SNX8: variants seen among roughly 807,000 people sequenced by gnomAD.
SNX8 encodes sorting nexin 8, also known as sorting nexin-8.
Under a neutral mutation model 51.6 loss-of-function variants are expected in SNX8, and 25 were observed. The observed-to-expected ratio is 0.48, with a 90% CI of 0.35 to 0.68. The LOEUF (loss-of-function observed/expected upper bound fraction) is 0.68. Among genes scored for constraint, SNX8 ranks in the 30% least tolerant of loss-of-function variants. SNX8 has a pLI of 0.00. For synonymous variants in SNX8, 324 were observed against 277.0 expected (o/e 1.17, Z -1.68); for missense variants, 695 against 624.0 (o/e 1.11, Z -1.21).
rs536094608 is a variant in SNX8, at chr7:2,328,505, A to G, written c.-66+25717T>C. Among the ~76,000 whole-genome samples the G allele has an allele frequency of 2.2e-4, 34 of 152,264 alleles. No individual in the cohort carries two copies. In the East Asian group the frequency reaches 6.4e-3, roughly 29 times the overall value. On this transcript the variant is annotated intron_variant, in intron 1 of 5. Transcript: ENST00000435336. ...TCATGCCCAACCATTGAATGCTTTC[A>G]ATATTTGAATCGAAATACTGAATGT...
At chr7:2,334,869 GAAAAAAAAAAAAAAA>G (rs71023399) in intron 1 of SNX8, among the ~76,000 whole-genome samples, 2 of 80,108 alleles carry the variant, frequency 2.5e-5, no homozygotes, top group South Asian at 4.0e-4. Flanking sequence ...GCCCATCTCT[GAAAAAAAAAAAAAAA>G]AAAAAAAAAA....
In SNX8 at chr7:2,261,343, G is replaced by C. The variant is rs78815574; in HGVS notation, c.915+1887C>G. Reference sequence around the variant, plus strand: ...AGCTACTGGGGAGGCTGAGGCAGGAGAATCGCTTGAACCCGGGAGGCAGAG... The same window carrying C: ...AGCTACTGGGGAGGCTGAGGCAGGACAATCGCTTGAACCCGGGAGGCAGAG... On this transcript the variant is annotated intron_variant, in intron 7 of 10. Coordinates refer to ENST00000222990, the MANE Select transcript of SNX8 (RefSeq NM_013321.4). 2.0e-4 allele frequency among the ~76,000 whole-genome samples: 31 copies of C among 152,350 alleles called. 1 individual carries two copies. In the East Asian group the frequency reaches 2.3e-3, roughly 11 times the overall value.
At chr7:2,290,503 C>T (rs981300205) in intron 1 of SNX8, among the ~76,000 whole-genome samples, 1 of 151,544 alleles carries the variant, frequency 6.6e-6, no homozygotes, top group African/African-American at 2.4e-5. Flanking sequence ...GACTCTGTCT[C>T]AAAAAATAAA....
intron 1 of SNX8, among the ~76,000 whole-genome samples, chr7:2,290,333 T>C (rs778280252): frequency 3.3e-5 from 5 of 152,142 alleles, no homozygotes; most frequent in African/African-American, 4.8e-5. Flanking sequence ...AGACTCGGTC[T>C]CTACTAAAAA....
At chr7:2,282,272 A>C (rs1236006167) in intron 1 of SNX8, among the ~76,000 whole-genome samples, 1 of 152,204 alleles carries the variant, frequency 6.6e-6, no homozygotes, top group East Asian at 1.9e-4. Context: ...AGACTGGCTC[A>C]CAAATTGGTG....
chr7:2,293,076 A>G (rs1369162748), intron 1 of SNX8, among the ~76,000 whole-genome samples: 1 of 151,244 alleles, frequency 6.6e-6, no homozygotes, highest in African/African-American at 2.4e-5. Context: ...ATCAAAATTT[A>G]AAACTGCTGT....
At chr7:2,328,965 A>T (rs529564343) in intron 1 of SNX8, among the ~76,000 whole-genome samples, 1 of 152,218 alleles carries the variant, frequency 6.6e-6, no homozygotes, top group Admixed American at 6.6e-5. Flanking sequence ...GGGTGCCTGT[A>T]GTCCCAGCTA....
At chr7:2,305,943 C>T (rs1235930120) in intron 1 of SNX8, among the ~76,000 whole-genome samples, 1 of 152,042 alleles carries the variant, frequency 6.6e-6, no homozygotes, top group Non-Finnish European at 1.5e-5. Context: ...GACAGCGGCA[C>T]CCTGGAAACG....
intron 1 of SNX8, among the ~76,000 whole-genome samples, chr7:2,292,095 C>T (rs553211736): frequency 6.6e-6 from 1 of 152,308 alleles, no homozygotes; most frequent in African/African-American, 2.4e-5. Flanking sequence ...GAAACCCTGT[C>T]TCTACTAAAA....
intron 1 of SNX8, among the ~76,000 whole-genome samples, chr7:2,327,279 G>A (rs1350919415): frequency 1.3e-5 from 2 of 152,036 alleles, no homozygotes; most frequent in Non-Finnish European, 2.9e-5. Flanking sequence ...TGGCTCTGTT[G>A]CCCAGGCTGG....
intron 1 of SNX8, among the ~76,000 whole-genome samples, chr7:2,351,784 T>C (rs1779145970): frequency 6.9e-6 from 1 of 145,602 alleles, no homozygotes; most frequent in African/African-American, 2.6e-5. Context: ...TGATCCGAGA[T>C]AGCACCACTG....
chr7:2,289,239 C>T (rs1796097616), intron 1 of SNX8, among the ~76,000 whole-genome samples: 1 of 152,112 alleles, frequency 6.6e-6, no homozygotes, highest in South Asian at 2.1e-4. Context: ...CCAGCACCTC[C>T]CTGTTCCACA....
intron 1 of SNX8, among the ~76,000 whole-genome samples, chr7:2,349,258 A>G (rs772421363): frequency 6.6e-6 from 1 of 151,956 alleles, no homozygotes; most frequent in Non-Finnish European, 1.5e-5. Flanking sequence ...TAAAGTGTAC[A>G]TAACATAAAA....
intron 1 of SNX8, among the ~76,000 whole-genome samples, chr7:2,303,190 G>A (rs1158914348): frequency 6.7e-6 from 1 of 150,330 alleles, no homozygotes; most frequent in East Asian, 2.0e-4. Context: ...TGGGAAGTGA[G>A]GAGCCCCTCT....
intron 1 of SNX8, among the ~76,000 whole-genome samples, chr7:2,278,607 A>G (rs1795838979): frequency 6.8e-6 from 1 of 147,062 alleles, no homozygotes; most frequent in Non-Finnish European, 1.5e-5. Flanking sequence ...CACACTACGG[A>G]GTCGACGCCG....
At chr7:2,278,749 G>A (rs868308563) in intron 1 of SNX8, among the ~76,000 whole-genome samples, 1 of 75,516 alleles carries the variant, frequency 1.3e-5, no homozygotes, top group Non-Finnish European at 2.6e-5. Context: ...ACACTACGGA[G>A]TCGAAGCCGG....
At chr7:2,266,342 G>A (rs1038267106) in intron 5 of SNX8, among the ~76,000 whole-genome samples, 6 of 127,726 alleles carry the variant, frequency 4.7e-5, no homozygotes, top group African/African-American at 1.7e-4. Context: ...CTGCCACCAA[G>A]CCTGGCTAAT....
chr7:2,298,848 C>T (rs751492546), intron 1 of SNX8, among the ~76,000 whole-genome samples: 24 of 151,500 alleles, frequency 1.6e-4, no homozygotes, highest in Non-Finnish European at 3.1e-4. Context: ...CATGCTACCA[C>T]GCCTAGCTAA....
At chr7:2,354,312 T>G (rs7801817), upstream of SNX8, 108,364 of 152,186 alleles carry the variant, frequency 0.71, 39,785 homozygotes, top group East Asian at 0.85. Context: ...AAGTAGTCTG[T>G]CCTTTTGCTC....
Sources: allele counts gnomAD v4.1 joint callset (sites outside exome capture counted in the v4.1 genomes callset), GRCh38; gene constraint gnomAD v4.1.1; transcripts MANE v1.5; gene names NCBI Gene and HGNC (gene_info 2026-07-23, HGNC 2026-07-21).